GDAP1: variants seen among roughly 807,000 people sequenced by gnomAD.
GDAP1 encodes the protein ganglioside-induced differentiation-associated protein 1.
In GDAP1, 34 loss-of-function variants were observed where a neutral mutation model predicts 40.1. The observed-to-expected ratio is 0.85, with a 90% CI of 0.64 to 1.13. The LOEUF is 1.13. Among genes scored for constraint, GDAP1 ranks in the 50% most tolerant of loss-of-function variants. The pLI, the probability that GDAP1 is intolerant of heterozygous loss-of-function variation, is 0.00. For synonymous variants in GDAP1, 170 were observed against 157.4 expected, an observed-to-expected ratio of 1.08 and a Z score of -0.60; for missense variants, 374 against 433.7, an observed-to-expected ratio of 0.86 and a Z score of 1.22.
chr8:74,381,525 G>A (rs1809953206), intron 2 of GDAP1, among the ~76,000 whole-genome samples: 1 of 152,110 alleles, frequency 6.6e-6, no homozygotes. Flanking sequence ...AGAGGCCGAC[G>A]TGGGCACATC....
chr8:74,367,885 A>G (rs1261089395), downstream of GDAP1, among the ~76,000 whole-genome samples: 2 of 152,206 alleles, frequency 1.3e-5, no homozygotes, highest in Non-Finnish European at 2.9e-5. Context: ...TGACTGTGTT[A>G]GGAGGGAGGA....
At chr8:74,441,323 C>T (rs1351110015) in intron 2 of GDAP1, among the ~76,000 whole-genome samples, 3 of 151,954 alleles carry the variant, frequency 2.0e-5, no homozygotes, top group Admixed American at 6.6e-5. Flanking sequence ...ACTCATGGGT[C>T]CCCCATGAGT....
chr8:74,364,218 C>T lies in GDAP1; in HGVS notation c.928C>T (p.Arg310Trp), dbSNP rs538389475. 1.3e-5 allele frequency: 21 copies of T among 1,614,110 alleles called. No individual in the cohort carries two copies. Among genetic ancestry groups the T allele is most frequent in the African/African-American group, 8.0e-5 (6 of 75,024 alleles). The change falls in exon 6 of 6, where the codon CGG becomes TGG. Residue 310 changes from arginine to tryptophan, a missense_variant. Transcript: ENST00000220822. ...LISAVLPTAF[R>W]VAKKRAPKVL... ...CTCTGCAGTGCTGCCAACAGCATTC[C>T]GGGTGGCCAAGAAAAGGGCCCCAAA...
At chr8:74,431,516 C>G (rs1806024519) in intron 2 of GDAP1, among the ~76,000 whole-genome samples, 1 of 152,106 alleles carries the variant, frequency 6.6e-6, no homozygotes, top group Non-Finnish European at 1.5e-5. Flanking sequence ...GAGTCTCGCT[C>G]TGTCACCCAG....
chr8:74,457,437 A>T (rs7834409), intron 2 of GDAP1, among the ~76,000 whole-genome samples: 1 of 152,016 alleles, frequency 6.6e-6, no homozygotes, highest in African/African-American at 2.4e-5. Context: ...TGAATTTTGA[A>T]CTAAAATTCA....
intron 2 of GDAP1, among the ~76,000 whole-genome samples, chr8:74,390,607 A>T (rs1288538189): frequency 2.0e-5 from 3 of 152,154 alleles, no homozygotes; most frequent in African/African-American, 7.2e-5. Context: ...CTCCAGTATG[A>T]GATGTCTGTT....
chr8:74,441,709 A>G (rs1806164507), intron 2 of GDAP1, among the ~76,000 whole-genome samples: 1 of 152,174 alleles, frequency 6.6e-6, no homozygotes, highest in South Asian at 2.1e-4. Context: ...AGTTTTTAGT[A>G]TTTATAACTT....
At chr8:74,362,362 C>G (rs1809411634) in intron 4 of GDAP1, among the ~76,000 whole-genome samples, 1 of 152,140 alleles carries the variant, frequency 6.6e-6, no homozygotes, top group Non-Finnish European at 1.5e-5. Flanking sequence ...GTCAGCCTTT[C>G]TCCTTCTGTT....
At chr8:74,488,659 A>G (rs1409427472) in intron 2 of GDAP1, 4 of 152,152 alleles carry the variant, frequency 2.6e-5, no homozygotes, top group Non-Finnish European at 5.9e-5. Flanking sequence ...CAATTAATGT[A>G]TTTGCTTTCT....
chr8:74,441,688 C>T (rs1458279036), intron 2 of GDAP1, among the ~76,000 whole-genome samples: 3 of 152,022 alleles, frequency 2.0e-5, no homozygotes, highest in Non-Finnish European at 2.9e-5. Context: ...TGAAATGATC[C>T]GTAATATTAC....
chr8:74,482,863 C>T (rs1186246071), intron 2 of GDAP1, among the ~76,000 whole-genome samples: 3 of 152,162 alleles, frequency 2.0e-5, no homozygotes, highest in Non-Finnish European at 4.4e-5. Flanking sequence ...ACACTAAGTA[C>T]CTGATGCTCT....
At chr8:74,482,032 A>G (rs908018566) in intron 2 of GDAP1, among the ~76,000 whole-genome samples, 2 of 149,298 alleles carry the variant, frequency 1.3e-5, no homozygotes, top group African/African-American at 4.9e-5. Context: ...TGGAATGGGG[A>G]TAAAGGAGCA....
chr8:74,422,456 CCT>C (rs1805888246), intron 2 of GDAP1, among the ~76,000 whole-genome samples: 1 of 134,652 alleles, frequency 7.4e-6, no homozygotes, highest in South Asian at 2.5e-4. Context: ...TTCCTTCCCT[CCT>C]CTCTTTCCTT....
intron 2 of GDAP1, among the ~76,000 whole-genome samples, chr8:74,422,305 C>CTT (rs769802275): frequency 2.6e-5 from 1 of 37,922 alleles, no homozygotes; most frequent in Non-Finnish European, 4.4e-5. Context: ...TTCTTTCTTT[C>CTT]TTTCTTTCTT....
At chr8:74,431,818 G>T (rs542118601) in intron 2 of GDAP1, among the ~76,000 whole-genome samples, 215 of 152,214 alleles carry the variant, frequency 1.4e-3, no homozygotes, top group Non-Finnish European at 1.9e-3. Context: ...AAATAAGCGT[G>T]CTAGTTCTAG....
rs781208164 is a variant in GDAP1 at position 74,365,271 on chromosome 8, T to G, written c.*904T>G. On this transcript the variant is annotated 3_prime_UTR_variant, in exon 6 of 6. Coordinates refer to ENST00000220822, the MANE Select transcript of GDAP1 (RefSeq NM_018972.4). ...AACACAAAAATTGTTGTCCAGATCTTTCATCTGTTTATGATCATCAACAAA... is the reference window on the plus strand; with the variant it reads ...AACACAAAAATTGTTGTCCAGATCTGTCATCTGTTTATGATCATCAACAAA... 5 of 454,152 alleles carry G rather than the reference T, an allele frequency of 1.1e-5. No individual in the cohort carries two copies. The highest frequency in any genetic ancestry group is 7.8e-5 in the South Asian group (5 of 64,478). 28.1% of individuals were successfully genotyped at this position (454,152 alleles called of 1,614,324 possible).
intron 2 of GDAP1, among the ~76,000 whole-genome samples, chr8:74,403,133 G>T (rs1044055430): frequency 6.7e-6 from 1 of 149,972 alleles, no homozygotes; most frequent in Non-Finnish European, 1.5e-5. Context: ...GCAGTGATGG[G>T]AGAGTCATTC....
chr8:74,354,697 G>C (rs1809022620), intron 2 of GDAP1, among the ~76,000 whole-genome samples: 1 of 152,210 alleles, frequency 6.6e-6, no homozygotes, highest in Non-Finnish European at 1.5e-5. Flanking sequence ...AAAACAAATG[G>C]CTAGTGTGAT....
intron 2 of GDAP1, among the ~76,000 whole-genome samples, chr8:74,469,849 C>T (rs1465079508): frequency 6.6e-6 from 1 of 151,598 alleles, no homozygotes; most frequent in Non-Finnish European, 1.5e-5. Context: ...TGGTGCATGC[C>T]TGTAATCCCA....
Sources: gnomAD v4.1 joint callset for allele counts (sites outside exome capture counted in the v4.1 genomes callset) on GRCh38, gnomAD v4.1.1 for gene constraint, MANE v1.5 for transcripts, NCBI Gene and HGNC (gene_info 2026-07-23, HGNC 2026-07-21) for gene names.